The following KIT variants were observed in gnomAD, a reference collection of about 807,000 sequenced individuals.
The protein encoded by KIT is KIT proto-oncogene, receptor tyrosine kinase.
KIT carries 16 observed loss-of-function variants against 105.7 expected under a neutral mutation model. The ratio of observed to expected loss-of-function variants is 0.15; its 90% CI spans 0.10 to 0.23. The LOEUF (loss-of-function observed/expected upper bound fraction) is 0.23, where lower values mean the gene tolerates loss of function less well. Among genes scored for constraint, KIT ranks in the 10% least tolerant of loss-of-function variants. The probability of loss-of-function intolerance (pLI) is 1.00; values close to 1 mark genes in which losing one functional copy is unlikely to be tolerated. For synonymous variants in KIT, 438 were observed against 441.1 expected (o/e 0.99, Z 0.09); for missense variants, 858 against 1,213.8 (o/e 0.71, Z 4.36).
chr4:54,663,805 A>G (rs569191665), intron 1 of KIT, among the ~76,000 whole-genome samples: 2 of 152,298 alleles, frequency 1.3e-5, no homozygotes, highest in Middle Eastern at 3.4e-3. Flanking sequence ...GCCCCAGGCT[A>G]GACACAGCGG....
At chr4:54,682,726 G>A (rs1431089656) in intron 1 of KIT, among the ~76,000 whole-genome samples, 1 of 150,656 alleles carries the variant, frequency 6.6e-6, no homozygotes, top group Non-Finnish European at 1.5e-5. Context: ...CACTGCGCCC[G>A]GCCGATATTT....
intron 1 of KIT, among the ~76,000 whole-genome samples, chr4:54,662,926 GATA>G (rs1717387684): frequency 1.3e-5 from 2 of 151,914 alleles, no homozygotes; most frequent in East Asian, 3.9e-4. Flanking sequence ...TTTAGCTTTT[GATA>G]AGAGTTAGGA....
chr4:54,713,178 T>C (rs1480116963), intron 7 of KIT, among the ~76,000 whole-genome samples: 3 of 152,108 alleles, frequency 2.0e-5, no homozygotes, highest in Non-Finnish European at 1.5e-5. Flanking sequence ...TAAGTTCTTT[T>C]ATGGTGATTT....
At chr4:54,728,214 C>A in intron 13 of KIT, 93 bp downstream of exon 13, 1 of 922,266 alleles carries the variant, frequency 1.1e-6, no homozygotes, top group Non-Finnish European at 1.7e-6. Context: ...TTATAAACTG[C>A]TTGGAAGATT....
At chr4:54,666,013 A>G (rs1451194758) in intron 1 of KIT, among the ~76,000 whole-genome samples, 2 of 152,112 alleles carry the variant, frequency 1.3e-5, no homozygotes, top group Admixed American at 6.5e-5. Context: ...TGTTTAAGGT[A>G]TGTTTTTTGT....
chr4:54,727,566 C>T (rs2109777837), intron 11 of KIT, 24 bp downstream of exon 11: 1 of 1,613,916 alleles, frequency 6.2e-7, no homozygotes, highest in Non-Finnish European at 8.5e-7. Flanking sequence ...AGGGGCTTTC[C>T]ATGTCACCTT....
intron 9 of KIT, 52 bp from the exon 10 acceptor site, chr4:54,727,166 A>G (rs1016951940): frequency 7.1e-5 from 105 of 1,486,152 alleles, no homozygotes; most frequent in Non-Finnish European, 9.7e-5. Context: ...TGGCTGTGGT[A>G]GAGATCCCAT....
At chr4:54,679,530 G>A (rs1289638529) in intron 1 of KIT, among the ~76,000 whole-genome samples, 1 of 152,128 alleles carries the variant, frequency 6.6e-6, no homozygotes, top group Non-Finnish European at 1.5e-5. Context: ...TGTCTGTTCA[G>A]TGTGGGATGG....
chr4:54,706,304 T>C (rs1481018166), intron 5 of KIT, among the ~76,000 whole-genome samples: 1 of 152,186 alleles, frequency 6.6e-6, no homozygotes, highest in Non-Finnish European at 1.5e-5. Flanking sequence ...CATACTACTT[T>C]TACCACACTT....
rs1060502544 is a variant in KIT, at chr4:54,729,475, G to C, written c.2131G>C (p.Glu711Gln). ...ALYKNLLHSK[E>Q]SSCSDSTNEY... is the part of the protein sequence containing the mutation. ...TTATAAGAATCTTCTGCATTCAAAG[G>C]AGTCTTCCTGGTAAGACTGATTTAC... is the stretch of plus-strand genomic sequence containing the variant. The change falls in exon 14 of 21, where the codon GAG becomes CAG. Residue 711 changes from glutamate to glutamine, a missense_variant. By Grantham distance (29) the Glu-to-Gln change is conservative (BLOSUM62 2). Transcript: ENST00000288135. The C allele has an allele frequency of 6.2e-7, 1 of 1,613,102 alleles. No homozygotes were observed. The highest frequency in any genetic ancestry group is 8.5e-7 in the Non-Finnish European group (1 of 1,179,602).
At chr4:54,696,553 T>C (rs1374689814) in intron 2 of KIT, among the ~76,000 whole-genome samples, 1 of 152,208 alleles carries the variant, frequency 6.6e-6, no homozygotes, top group Non-Finnish European at 1.5e-5. Context: ...GAAACAGGCC[T>C]GAGAGGCCTT....
chr4:54,686,167 C>G (rs936792967), intron 1 of KIT, among the ~76,000 whole-genome samples: 1 of 151,884 alleles, frequency 6.6e-6, no homozygotes, highest in African/African-American at 2.4e-5. Flanking sequence ...TCCCCTGTGT[C>G]AATTAGTTCA....
rs763516112 is a variant in KIT, at chr4:54,736,460, GA to G, written c.2485-36del. On this transcript the variant is annotated intron_variant, in intron 17 of 20. Coordinates refer to ENST00000288135, the MANE Select transcript of KIT (RefSeq NM_000222.3). ...TTCTGTTCAATTTTGTTGAGCTTCT[GA>G]ATTAACATTATTGACTCTGTTGTGC... is the stretch of plus-strand genomic sequence containing the variant. The G allele has an allele frequency of 9.1e-5, 130 of 1,423,092 alleles. 3 individuals are homozygous for G. In the South Asian group the frequency reaches 1.4e-3, roughly 15 times the overall value. 88.2% of individuals were successfully genotyped at this position (1,423,092 alleles called of 1,614,324 possible).
intron 6 of KIT, among the ~76,000 whole-genome samples, chr4:54,708,855 C>T (rs1163923008): frequency 6.6e-6 from 1 of 152,140 alleles, no homozygotes; most frequent in Non-Finnish European, 1.5e-5. Flanking sequence ...GTGTACACAG[C>T]CCTATATGGC....
At chr4:54,663,131 A>T in intron 1 of KIT, among the ~76,000 whole-genome samples, 1 of 152,188 alleles carries the variant, frequency 6.6e-6, no homozygotes, top group East Asian at 1.9e-4. Flanking sequence ...CTTCCCATGC[A>T]TACCTTTCTG....
intron 5 of KIT, among the ~76,000 whole-genome samples, chr4:54,706,630 A>G (rs947155294): frequency 1.3e-5 from 2 of 152,146 alleles, no homozygotes; most frequent in African/African-American, 4.8e-5. Context: ...TCTGTGATAT[A>G]TAAGAAGACC....
intron 1 of KIT, among the ~76,000 whole-genome samples, chr4:54,678,347 TC>T (rs1560381386): frequency 3.7e-5 from 3 of 81,356 alleles, no homozygotes; most frequent in Admixed American, 1.1e-4. Flanking sequence ...CTTCCTTCCT[TC>T]CTTCCCTCCC....
chr4:54,664,481 G>C (rs1482567566), intron 1 of KIT, among the ~76,000 whole-genome samples: 2 of 152,258 alleles, frequency 1.3e-5, no homozygotes, highest in Admixed American at 6.5e-5. Context: ...ATACTCCCCA[G>C]CCTGTTCCAA....
intron 17 of KIT, chr4:54,733,403 TG>T (rs1722725876): frequency 2.0e-6 from 1 of 498,094 alleles, no homozygotes; most frequent in African/African-American, 1.9e-5. Context: ...TAATTCTAAT[TG>T]TGTAATTTTG....
Sources: gnomAD v4.1 joint callset for allele counts (sites outside exome capture counted in the v4.1 genomes callset) on GRCh38, gnomAD v4.1.1 for gene constraint, MANE v1.5 for transcripts, NCBI Gene and HGNC (gene_info 2026-07-23, HGNC 2026-07-21) for gene names.